The following DNAI4 variants were observed in gnomAD, a reference collection of about 807,000 sequenced individuals.
DNAI4 encodes WD repeat domain 78.
Under a neutral mutation model 105.8 loss-of-function variants are expected in DNAI4, and 85 were observed. The ratio of observed to expected loss-of-function variants is 0.80; its 90% CI spans 0.67 to 0.96. The LOEUF (loss-of-function observed/expected upper bound fraction) is 0.96, where lower values mean the gene tolerates loss of function less well. DNAI4 is among the 40% of genes least tolerant of loss of function. The pLI is 0.00. For missense variants in DNAI4, 1,014 were observed against 1,005.6 expected (o/e 1.01, Z -0.11); for synonymous variants, 352 against 331.5 (o/e 1.06, Z -0.67).
chr1:66,816,059 G>A (rs1645508702), intron 16 of DNAI4, among the ~76,000 whole-genome samples: 1 of 152,170 alleles, frequency 6.6e-6, no homozygotes, highest in Non-Finnish European at 1.5e-5. Flanking sequence ...TGTAACACCA[G>A]TGCTTTGGAA....
At chr1:66,843,968 T>C (rs927157729) in intron 8 of DNAI4, among the ~76,000 whole-genome samples, 3 of 150,496 alleles carry the variant, frequency 2.0e-5, no homozygotes, top group South Asian at 2.1e-4. Context: ...GTGAAATCAA[T>C]GATCCAATTT....
intron 4 of DNAI4, among the ~76,000 whole-genome samples, chr1:66,884,581 T>C (rs541746909): frequency 6.6e-6 from 1 of 152,354 alleles, no homozygotes; most frequent in East Asian, 1.9e-4. Flanking sequence ...CACTTGATCA[T>C]GGTGGATGAG....
chr1:66,880,484 G>A (rs1647045942), intron 4 of DNAI4, among the ~76,000 whole-genome samples: 1 of 152,186 alleles, frequency 6.6e-6, no homozygotes, highest in Admixed American at 6.5e-5. Flanking sequence ...GTTGGGAACT[G>A]GAGCAAAGGT....
intron 7 of DNAI4, among the ~76,000 whole-genome samples, chr1:66,849,433 A>G (rs901995418): frequency 5.3e-5 from 8 of 152,214 alleles, no homozygotes; most frequent in Admixed American, 2.6e-4. Flanking sequence ...ACAGTGTCAA[A>G]CAAAGCCTGC....
At chr1:66,905,114 A>G (rs1649138792) in intron 2 of DNAI4, 87 bp downstream of exon 2, 2 of 1,066,238 alleles carry the variant, frequency 1.9e-6, no homozygotes, top group Non-Finnish European at 2.6e-6. Flanking sequence ...TGATTATCTG[A>G]AAGCAGCATA....
chr1:66,869,304 A>G lies in DNAI4; in HGVS notation c.940+2066T>C, dbSNP rs114647527. Among the ~76,000 whole-genome samples, 1,067 of 151,958 alleles carry G rather than the reference A, an allele frequency of 7.0e-3. 7 individuals carry two copies. The highest frequency in any genetic ancestry group is 0.024 in the African/African-American group (1,004 of 41,504). ...TTTCTTTGAGTTAATGTATAATTCT[A>G]TTACTTCTTGGGGAGTGTTGATAAT... On this transcript the variant is annotated intron_variant, in intron 6 of 16. Transcript: ENST00000371026.
At chr1:66,819,002 AT>A (rs201001876) in intron 16 of DNAI4, among the ~76,000 whole-genome samples, 2,487 of 152,238 alleles carry the variant, frequency 0.016, 31 homozygotes, top group Non-Finnish European at 0.026. Flanking sequence ...GTAAGATGTG[AT>A]TCTCTATGGC....
chr1:66,817,006 T>A (rs140836277), intron 16 of DNAI4, among the ~76,000 whole-genome samples: 237 of 152,280 alleles, frequency 1.6e-3, no homozygotes, highest in African/African-American at 5.4e-3. Flanking sequence ...CATATTGTAC[T>A]TACTTTGTGG....
At chr1:66,903,331 T>G (rs989530315) in intron 2 of DNAI4, among the ~76,000 whole-genome samples, 2 of 152,220 alleles carry the variant, frequency 1.3e-5, no homozygotes, top group Non-Finnish European at 2.9e-5. Context: ...AATTTCCTTT[T>G]TGGAAATTCA....
chr1:66,816,119 G>A (rs1304853220), intron 16 of DNAI4, among the ~76,000 whole-genome samples: 6 of 151,970 alleles, frequency 3.9e-5, no homozygotes, highest in Non-Finnish European at 7.4e-5. Flanking sequence ...ACCAGCCCGG[G>A]CAACATTAAC....
intron 4 of DNAI4, among the ~76,000 whole-genome samples, chr1:66,883,354 T>C (rs1647122392): frequency 6.6e-6 from 1 of 152,106 alleles, no homozygotes; most frequent in African/African-American, 2.4e-5. Flanking sequence ...CTGGGCTCAC[T>C]GAAACCTCCA....
chr1:66,901,749 T>A (rs1648838506), intron 2 of DNAI4, among the ~76,000 whole-genome samples: 1 of 152,196 alleles, frequency 6.6e-6, no homozygotes, highest in Non-Finnish European at 1.5e-5. Flanking sequence ...ATATAGTAAT[T>A]CTACTTTCAA....
chr1:66,840,489 C>A lies in DNAI4; in HGVS notation c.1474G>T (p.Ala492Ser). 6.2e-7 allele frequency: 1 copy of A among 1,614,118 alleles called. No individual in the cohort carries two copies. Among genetic ancestry groups the A allele is most frequent in the Non-Finnish European group, 8.5e-7 (1 of 1,179,992 alleles). The change falls in exon 9 of 17, where the codon GCC becomes TCC. Residue 492 changes from alanine (A) to serine (S), a missense_variant. Physicochemically the swap from Ala to Ser is moderately conservative, Grantham distance 99. Coordinates refer to ENST00000371026, the MANE Select transcript of DNAI4 (RefSeq NM_024763.5). ...LTKGLNVSSL[A>S]WNKTNPDLLA... is the part of the protein sequence containing the mutation. ...CTTACTGGATTTGTTTTATTCCAGG[C>A]AAGGCTGCTCACATTGAGGCCTTTG...
At chr1:66,850,724 G>T (rs1194772737) in intron 7 of DNAI4, among the ~76,000 whole-genome samples, 1 of 151,814 alleles carries the variant, frequency 6.6e-6, no homozygotes, top group African/African-American at 2.4e-5. Context: ...ATAAATGGGG[G>T]TGGAATCTAA....
At position 66,835,687 on chromosome 1, in the gene DNAI4, T is replaced by C. The variant is rs1440049992; in HGVS notation, c.1672A>G (p.Asn558Asp). The part of the protein sequence containing the change: ...APNLLAVGYH[N>D]GTIAIYNVRS... ...ACATTGTAAATTGCAATTGTGCCAT[T>C]GTGATAGCCAACGGCTAAAAGGTTA... is the stretch of plus-strand genomic sequence containing the variant. Residue 558 changes from asparagine to aspartate, a missense_variant, in exon 11 of 17, where the codon AAT becomes GAT. Physicochemically the swap from Asn to Asp is conservative, Grantham distance 23 (BLOSUM62 1). Transcript: ENST00000371026. 6.2e-7 allele frequency: 1 copy of C among 1,614,146 alleles called. No individual in the cohort carries two copies.
At chr1:66,915,765 A>G (rs1427333052) in intron 1 of DNAI4, among the ~76,000 whole-genome samples, 1 of 152,190 alleles carries the variant, frequency 6.6e-6, no homozygotes, top group African/African-American at 2.4e-5. Flanking sequence ...ATGTAAAGAA[A>G]GTTATAAAAA....
intron 16 of DNAI4, 102 bp from the exon 17 acceptor site, chr1:66,814,282 A>G (rs1438897807): frequency 8.8e-6 from 7 of 799,414 alleles, no homozygotes; most frequent in African/African-American, 5.2e-5. Context: ...AGTGATACAC[A>G]TATCCAATAA....
intron 16 of DNAI4, among the ~76,000 whole-genome samples, chr1:66,819,274 A>T (rs1358978381): frequency 6.6e-6 from 1 of 152,176 alleles, no homozygotes; most frequent in Admixed American, 6.5e-5. Flanking sequence ...TCTGCAAGGA[A>T]AAATCCTAAA....
intron 6 of DNAI4, among the ~76,000 whole-genome samples, chr1:66,867,715 T>G (rs1285912209): frequency 2.6e-5 from 4 of 152,220 alleles, no homozygotes; most frequent in African/African-American, 7.2e-5. Context: ...TTGATATTCC[T>G]GAGGTAGCTA....
Sources: allele counts gnomAD v4.1 joint callset (sites outside exome capture counted in the v4.1 genomes callset), GRCh38; gene constraint gnomAD v4.1.1; transcripts MANE v1.5; gene names NCBI Gene and HGNC (gene_info 2026-07-23, HGNC 2026-07-21).